CAST: variants seen among roughly 807,000 people sequenced by gnomAD.
CAST encodes calpastatin.
In CAST, 76 loss-of-function variants were observed where a neutral mutation model predicts 119.6. The observed-to-expected ratio is 0.64, with a 90% CI of 0.53 to 0.77. The LOEUF (loss-of-function observed/expected upper bound fraction) is 0.77. Among genes scored for constraint, CAST ranks in the 30% least tolerant of loss-of-function variants. The probability of loss-of-function intolerance (pLI) is 0.00; values close to 1 mark genes in which losing one functional copy is unlikely to be tolerated. For synonymous variants in CAST, 319 were observed against 331.6 expected (o/e 0.96, Z 0.41); for missense variants, 953 against 946.5 (o/e 1.01, Z -0.09).
chr5:96,641,591 A>G (rs1489975720), intron 1 of CAST, among the ~76,000 whole-genome samples: 1 of 152,182 alleles, frequency 6.6e-6, no homozygotes, highest in East Asian at 1.9e-4. Context: ...ACGACCTCAC[A>G]GCCTCATCTA....
intron 1 of CAST, among the ~76,000 whole-genome samples, chr5:96,592,195 G>A (rs1746973776): frequency 1.3e-5 from 2 of 152,000 alleles, no homozygotes; most frequent in East Asian, 1.9e-4. Context: ...TCAGGGGTTC[G>A]AGACCAGCCT....
At chr5:96,079,302 A>C in the CAST span, 1 of 324,912 alleles carries the variant, frequency 3.1e-6, no homozygotes, top group Non-Finnish European at 6.3e-6. Flanking sequence ...CTTGTTACTC[A>C]TTTGGCTATT....
At chr5:96,497,579 T>C in the CAST span, among the ~76,000 whole-genome samples, 1 of 152,158 alleles carries the variant, frequency 6.6e-6, no homozygotes, top group Non-Finnish European at 1.5e-5. Flanking sequence ...GGTATCTCAT[T>C]GTGGTTTTGA....
At chr5:96,738,935 C>CA (rs34687945) in intron 11 of CAST, among the ~76,000 whole-genome samples, 9,610 of 87,880 alleles carry the variant, frequency 0.11, 556 homozygotes, top group East Asian at 0.25. Flanking sequence ...GACTCCATCT[C>CA]AAAAAAAAAA....
chr5:96,321,048 G>A, the CAST span, among the ~76,000 whole-genome samples: 2 of 152,150 alleles, frequency 1.3e-5, no homozygotes, highest in Non-Finnish European at 2.9e-5. Flanking sequence ...TCCTTACATG[G>A]GCACAGCCTG....
At chr5:96,553,331 T>C (rs1178405450) in intron 1 of CAST, among the ~76,000 whole-genome samples, 2 of 152,224 alleles carry the variant, frequency 1.3e-5, no homozygotes, top group African/African-American at 4.8e-5. Context: ...TCTCAATAGA[T>C]GCAGAAAAGG....
chr5:96,046,411 G>A, the CAST span, among the ~76,000 whole-genome samples: 3 of 152,094 alleles, frequency 2.0e-5, no homozygotes, highest in Admixed American at 1.3e-4. Flanking sequence ...GTGGGATAGG[G>A]GTGAGTACAA....
intron 1 of CAST, among the ~76,000 whole-genome samples, chr5:96,605,025 A>T (rs780199368): frequency 6.6e-5 from 10 of 152,050 alleles, no homozygotes; most frequent in Non-Finnish European, 1.3e-4. Context: ...AACCAACAAC[A>T]CCCTGTGATA....
the CAST span, among the ~76,000 whole-genome samples, chr5:96,171,501 T>C: frequency 6.6e-6 from 1 of 151,960 alleles, no homozygotes; most frequent in African/African-American, 2.4e-5. Context: ...GGAATGTGGG[T>C]GAATGACCAA....
the CAST span, among the ~76,000 whole-genome samples, chr5:96,277,804 A>G: frequency 1.3e-5 from 2 of 152,124 alleles, no homozygotes; most frequent in East Asian, 3.8e-4. Flanking sequence ...GAAAATCTCA[A>G]TGAATTTCAA....
At chr5:96,042,525 A>G in the CAST span, among the ~76,000 whole-genome samples, 2 of 152,224 alleles carry the variant, frequency 1.3e-5, no homozygotes, top group Non-Finnish European at 2.9e-5. Flanking sequence ...AAATGGTTAC[A>G]TAGCAAATGG....
the CAST span, among the ~76,000 whole-genome samples, chr5:96,104,104 G>C: frequency 6.6e-6 from 1 of 152,020 alleles, no homozygotes; most frequent in Non-Finnish European, 1.5e-5. Context: ...TTGTAAATTT[G>C]TTTGAGTTCA....
chr5:96,033,696 C>G, the CAST span, among the ~76,000 whole-genome samples: 2 of 151,974 alleles, frequency 1.3e-5, no homozygotes, highest in Non-Finnish European at 1.5e-5. Flanking sequence ...TATGAAACTA[C>G]TAGAAGAAAA....
At chr5:96,504,630 T>C in the CAST span, among the ~76,000 whole-genome samples, 2 of 152,060 alleles carry the variant, frequency 1.3e-5, no homozygotes, top group African/African-American at 4.8e-5. Flanking sequence ...TATTGAGGTA[T>C]AATATAACCA....
chr5:96,636,504 G>A (rs1482658270), intron 1 of CAST, among the ~76,000 whole-genome samples: 1 of 151,234 alleles, frequency 6.6e-6, no homozygotes, highest in Non-Finnish European at 1.5e-5. Flanking sequence ...CATCAGTGGC[G>A]CTGATGGCTT....
chr5:96,416,248 G>A, the CAST span: 1 of 704,476 alleles, frequency 1.4e-6, no homozygotes, highest in Non-Finnish European at 2.6e-6. Flanking sequence ...TTGTTTGTTT[G>A]TTTTAAATTA....
At chr5:96,630,774 A>T (rs1415178739) in intron 1 of CAST, among the ~76,000 whole-genome samples, 1 of 152,076 alleles carries the variant, frequency 6.6e-6, no homozygotes, top group Non-Finnish European at 1.5e-5. Flanking sequence ...GGACAGAGCA[A>T]GACTCCATCT....
At chr5:96,038,536 C>G in the CAST span, among the ~76,000 whole-genome samples, 4 of 146,596 alleles carry the variant, frequency 2.7e-5, no homozygotes, top group Middle Eastern at 3.6e-3. Flanking sequence ...CCCCACCCCC[C>G]GCAGGCCCTG....
chr5:96,626,434 G>A (rs1747725099), intron 1 of CAST, among the ~76,000 whole-genome samples: 1 of 152,180 alleles, frequency 6.6e-6, no homozygotes, highest in Non-Finnish European at 1.5e-5. Flanking sequence ...TGGTCTGGAT[G>A]CTGCTCCACC....
Sources: allele counts gnomAD v4.1 joint callset (sites outside exome capture counted in the v4.1 genomes callset), GRCh38; gene constraint gnomAD v4.1.1; transcripts MANE v1.5; gene names NCBI Gene and HGNC (gene_info 2026-07-23, HGNC 2026-07-21).